Variants in ERCC5 observed in about 807,000 individuals in gnomAD.
ERCC5 encodes ERCC excision repair 5, endonuclease, also known as DNA excision repair protein ERCC-5.
In ERCC5, 68 loss-of-function variants were observed where a neutral mutation model predicts 105.6. The ratio of observed to expected loss-of-function variants is 0.64; its 90% CI spans 0.53 to 0.79. ERCC5 has a LOEUF of 0.79. Among genes scored for constraint, ERCC5 ranks in the 30% least tolerant of loss-of-function variants. The pLI, the probability that ERCC5 is intolerant of heterozygous loss-of-function variation, is 0.00. For missense variants in ERCC5, 1,373 were observed against 1,426.7 expected, an observed-to-expected ratio of 0.96 and a Z score of 0.61; for synonymous variants, 546 against 526.2, an observed-to-expected ratio of 1.04 and a Z score of -0.51.
intron 12 of ERCC5, among the ~76,000 whole-genome samples, chr13:102,871,771 G>A (rs924291445): frequency 5.3e-5 from 8 of 151,140 alleles, no homozygotes; most frequent in Non-Finnish European, 8.9e-5. Context: ...AAATAATACA[G>A]ATACATTACT....
Position 102,862,314 on chromosome 13 carries a change from T to G in ERCC5, c.1165T>G (p.Ser389Ala), listed in dbSNP as rs754788588. The change falls in exon 8 of 15, where the codon TCA becomes GCA. Residue 389 changes from serine to alanine, a missense_variant. By Grantham distance (99) the Ser-to-Ala change is moderately conservative (BLOSUM62 1). This residue lies in a region of ERCC5 where 1,004 missense variants were observed against 1,059.7 expected (regional missense o/e 0.95). Coordinates refer to ENST00000652225, the MANE Select transcript of ERCC5 (RefSeq NM_000123.4). ...AGGCTCCATATCACCCCGGACTCTT[T>G]CAGCCATTAAGAGAGCTCTTGACGA... ...DEGSISPRTL[S>A]AIKRALDDDE... 2 of 1,614,124 alleles carry G rather than the reference T, an allele frequency of 1.2e-6. No individual in the cohort carries two copies. Among genetic ancestry groups the G allele is most frequent in the South Asian group, 2.2e-5 (2 of 91,078 alleles).
In ERCC5 at chr13:102,862,955, TGTG is replaced by T. The variant is rs1364822926; in HGVS notation, c.1810_1812del (p.Val604del). 3 of 1,613,952 alleles carry T rather than the reference TGTG, an allele frequency of 1.9e-6. No homozygotes were observed. Among genetic ancestry groups the T allele is most frequent in the African/African-American group, 1.3e-5 (1 of 74,866 alleles). On this transcript the variant is annotated inframe_deletion, in exon 8 of 15. Transcript: ENST00000652225. ...CAGAGGCAGTAGATAATGTGGAAAA[TGTG>T]GTGTCATTTAATGCTAAAGAGCATG... is the stretch of plus-strand genomic sequence containing the variant.
intron 13 of ERCC5, among the ~76,000 whole-genome samples, chr13:102,872,706 C>T (rs1011332411): frequency 6.6e-6 from 1 of 152,132 alleles, no homozygotes; most frequent in Non-Finnish European, 1.5e-5. Context: ...CTAAGTAGCA[C>T]AAGCCACTGC....
intron 8 of ERCC5, among the ~76,000 whole-genome samples, chr13:102,864,124 A>C (rs1456619564): frequency 4.9e-5 from 6 of 123,070 alleles, no homozygotes; most frequent in East Asian, 2.3e-4. Context: ...TAAGAGAATC[A>C]ACCACACACA....
At chr13:102,846,533 G>A (rs1406284977) in intron 1 of ERCC5, among the ~76,000 whole-genome samples, 179 bp downstream of exon 1, 2 of 152,072 alleles carry the variant, frequency 1.3e-5, no homozygotes, top group African/African-American at 4.8e-5. Flanking sequence ...TATCCCCGGG[G>A]CTTTGGTTCC....
chr13:102,846,492 A>G (rs542310818), intron 1 of ERCC5, 138 bp downstream of exon 1: 67 of 764,800 alleles, frequency 8.8e-5, no homozygotes, highest in Non-Finnish European at 1.5e-4. Flanking sequence ...AATCTCTGTC[A>G]CTAGGTTTTC....
chr13:102,861,680 C>G lies in ERCC5; in HGVS notation c.846C>G (p.Val282=), dbSNP rs1179341453. ...AGGAGGTAGAGTCAAGGAGAGTGGT[C>G]TCTGAAGACACTTCACATTACATCT... ...FLKEVESRRV[V]SEDTSHYILI... Residue 282 remains valine, a synonymous_variant, in exon 7 of 15, where the codon GTC becomes GTG. Transcript: ENST00000652225. The G allele has an allele frequency of 6.2e-7, 1 of 1,614,016 alleles. No homozygotes were observed. Among genetic ancestry groups the G allele is most frequent in the East Asian group, 2.2e-5 (1 of 44,874 alleles).
intron 1 of ERCC5, among the ~76,000 whole-genome samples, chr13:102,851,520 C>T (rs565982953): frequency 6.6e-6 from 1 of 152,264 alleles, no homozygotes; most frequent in Admixed American, 6.5e-5. Context: ...GTCTCGATCT[C>T]TTGATCTCGT....
Position 102,862,369 on chromosome 13 carries a change from A to G in ERCC5, c.1220A>G (p.Asp407Gly). Residue 407 changes from aspartate (D) to glycine (G), a missense_variant, in exon 8 of 15, where the codon GAT becomes GGT. Physicochemically the swap from Asp to Gly is moderately conservative, Grantham distance 94. Around this residue, in one of 3 missense-constraint regions of ERCC5, gnomAD observed 1,004 missense variants for 1,059.7 expected, o/e 0.95. Transcript: ENST00000652225. ...DDEDVKVCAG[D>G]DVQTGGPGAE... ...GAAGATGTAAAAGTGTGTGCTGGGG[A>G]TGATGTGCAGACGGGAGGGCCAGGA... 1.9e-6 allele frequency: 3 copies of G among 1,614,138 alleles called. No individual in the cohort carries two copies. Among genetic ancestry groups the G allele is most frequent in the Non-Finnish European group, 2.5e-6 (3 of 1,180,030 alleles).
intron 11 of ERCC5, among the ~76,000 whole-genome samples, chr13:102,867,481 C>T (rs1275440084): frequency 2.0e-5 from 3 of 152,034 alleles, no homozygotes; most frequent in African/African-American, 4.8e-5. Context: ...ATAGATACCT[C>T]GGGACTAGTG....
chr13:102,866,749 A>G lies in ERCC5; in HGVS notation c.2437A>G (p.Ile813Val), dbSNP rs768296301. 3.7e-6 allele frequency: 6 copies of G among 1,614,146 alleles called. No individual in the cohort carries two copies. The Admixed American group carries it at 8.3e-5, about 22-fold the overall frequency. ...TSGTITDDSDIWLFGARHVYR... is the reference protein window; with the variant it reads ...TSGTITDDSDVWLFGARHVYR... ...CGGAACCATCACTGATGACAGTGAT[A>G]TCTGGCTGTTTGGAGCGCGGCATGT... is the stretch of plus-strand genomic sequence containing the variant. Residue 813 changes from isoleucine (I) to valine (V), a missense_variant, in exon 11 of 15, where the codon ATC becomes GTC. Ile to Val is a conservative substitution (Grantham distance 29). Around this residue, in one of 3 missense-constraint regions of ERCC5, gnomAD observed 1,004 missense variants for 1,059.7 expected, o/e 0.95. Transcript: ENST00000652225.
At chr13:102,861,904 A>G (rs1882634678) in intron 7 of ERCC5, 126 bp from the exon 8 acceptor site, 1 of 1,413,300 alleles carries the variant, frequency 7.1e-7, no homozygotes, top group Non-Finnish European at 9.9e-7. Flanking sequence ...ATTAACTCCT[A>G]GTTGCCGATT....
chr13:102,846,721 T>G (rs993854374), intron 1 of ERCC5, among the ~76,000 whole-genome samples: 5 of 152,200 alleles, frequency 3.3e-5, no homozygotes, highest in African/African-American at 1.2e-4. Flanking sequence ...TTTAAAATTT[T>G]TTGTAGTTTT....
chr13:102,859,563 G>C (rs999394633), intron 6 of ERCC5, among the ~76,000 whole-genome samples: 1 of 152,198 alleles, frequency 6.6e-6, no homozygotes, highest in African/African-American at 2.4e-5. Flanking sequence ...GTAGAATTTT[G>C]GTTGTGTAAA....
At chr13:102,858,628 A>G (rs1428536870) in intron 6 of ERCC5, among the ~76,000 whole-genome samples, 2 of 152,140 alleles carry the variant, frequency 1.3e-5, no homozygotes, top group Admixed American at 1.3e-4. Flanking sequence ...TTGACTTTTG[A>G]CCCGAGACTA....
Position 102,858,358 on chromosome 13 carries a change from C to T in ERCC5, c.612C>T (p.Ile204=). ...TGCCCCCTGAAGTAAAGCATGAAAT[C>T]TTGACTGATATGAAAGAGTTCACCA... is the stretch of plus-strand genomic sequence containing the variant. ...SSLPPEVKHE[I]LTDMKEFTKR... Residue 204 remains isoleucine, a synonymous_variant, in exon 6 of 15, where the codon ATC becomes ATT. Coordinates refer to ENST00000652225, the MANE Select transcript of ERCC5 (RefSeq NM_000123.4). 1.2e-6 allele frequency: 2 copies of T among 1,614,076 alleles called. No homozygotes were observed. Among genetic ancestry groups the T allele is most frequent in the South Asian group, 2.2e-5 (2 of 91,082 alleles).
rs772275078 is a variant in ERCC5, at chr13:102,853,822, G to A, written c.330G>A (p.Leu110=). ...SDSRKTTEKL[L]KTFLKRQAIK... is the part of the protein sequence containing the mutation. ...CCAGGAAAACGACAGAGAAGCTTCTGAAAACATTTTTGAAAAGACAAGCCA... is the reference window on the plus strand; with the variant it reads ...CCAGGAAAACGACAGAGAAGCTTCTAAAAACATTTTTGAAAAGACAAGCCA... The change falls in exon 3 of 15, where the codon CTG becomes CTA. Residue 110 remains leucine, a synonymous_variant. Coordinates refer to ENST00000652225, the MANE Select transcript of ERCC5 (RefSeq NM_000123.4). 1.1e-4 allele frequency: 174 copies of A among 1,614,084 alleles called. No individual in the cohort carries two copies. Among genetic ancestry groups the A allele is most frequent in the Non-Finnish European group, 1.4e-4 (171 of 1,180,042 alleles).
intron 1 of ERCC5, among the ~76,000 whole-genome samples, chr13:102,849,943 T>TTC (rs11450790): frequency 0.17 from 25,741 of 150,974 alleles, 2,481 homozygotes; most frequent in East Asian, 0.39. Flanking sequence ...GTTTTTTTTT[T>TTC]CTTTTTGTTT....
At chr13:102,857,323 C>G (rs1882462169) in intron 5 of ERCC5, among the ~76,000 whole-genome samples, 1 of 152,196 alleles carries the variant, frequency 6.6e-6, no homozygotes, top group Non-Finnish European at 1.5e-5. Context: ...TGTTCACTAG[C>G]TGTGTGATCT....
Sources: gnomAD v4.1 joint callset for allele counts (sites outside exome capture counted in the v4.1 genomes callset) on GRCh38, gnomAD v4.1.1 for gene constraint, gnomAD v4.1.1 regional missense constraint, MANE v1.5 for transcripts, NCBI Gene and HGNC (gene_info 2026-07-23, HGNC 2026-07-21) for gene names.